The following DISP1 variants were observed in gnomAD, a reference collection of about 807,000 sequenced individuals.
The protein encoded by DISP1 is protein dispatched homolog 1.
Under a neutral mutation model 37.3 loss-of-function variants are expected in DISP1, and 30 were observed. The ratio of observed to expected loss-of-function variants is 0.80; its 90% CI spans 0.60 to 1.09. DISP1 has a LOEUF of 1.09. Ranked by LOEUF, DISP1 falls within the 50% of genes least tolerant of loss-of-function variation. The pLI is 0.00. For missense variants in DISP1, 1,598 were observed against 1,879.5 expected, an observed-to-expected ratio of 0.85 and a Z score of 2.77; for synonymous variants, 634 against 690.2, an observed-to-expected ratio of 0.92 and a Z score of 1.28.
rs142220719 is a variant in DISP1 at position 223,005,382 on chromosome 1, A to G, written c.3985A>G (p.Ile1329Val). 70 of 1,613,442 alleles carry G rather than the reference A, an allele frequency of 4.3e-5. No homozygotes were observed. In the African/African-American group the frequency reaches 9.2e-4, roughly 21 times the overall value. ...HQAVEGFVHP[I>V]THIHHCPCLQ... ...AGCTGTCGAGGGCTTTGTGCACCCC[A>G]TCACGCACATCCACCACTGTCCCTG... is the stretch of plus-strand genomic sequence containing the variant. The change falls in exon 9 of 9, where the codon ATC (isoleucine) becomes GTC (valine). Residue 1329 changes from isoleucine to valine, a missense_variant. Physicochemically the swap from Ile to Val is conservative, Grantham distance 29. Transcript: ENST00000675850.
At chr1:222,871,762 A>G (rs1669596098) in intron 1 of DISP1, among the ~76,000 whole-genome samples, 2 of 152,118 alleles carry the variant, frequency 1.3e-5, no homozygotes, top group African/African-American at 4.8e-5. Flanking sequence ...CTCTTTTCCT[A>G]ATTGAATGCC....
chr1:222,824,458 T>G (rs1475425548), intron 1 of DISP1, among the ~76,000 whole-genome samples: 1 of 152,232 alleles, frequency 6.6e-6, no homozygotes, highest in Non-Finnish European at 1.5e-5. Flanking sequence ...TTCTTCTACA[T>G]TTCAAAAGCA....
chr1:222,897,544 TA>T (rs1439441460), intron 1 of DISP1, among the ~76,000 whole-genome samples: 1 of 152,178 alleles, frequency 6.6e-6, no homozygotes, highest in Admixed American at 6.5e-5. Flanking sequence ...TGTTAGCATA[TA>T]GTTTTGTATA....
At chr1:222,955,157 G>A (rs1403017053) in intron 3 of DISP1, among the ~76,000 whole-genome samples, 2 of 151,222 alleles carry the variant, frequency 1.3e-5, no homozygotes, top group African/African-American at 4.9e-5. Flanking sequence ...CACAATCTTG[G>A]CTCACTGCAA....
At chr1:222,937,091 T>TTTA (rs1452219197) in intron 2 of DISP1, among the ~76,000 whole-genome samples, 8 of 132,134 alleles carry the variant, frequency 6.1e-5, no homozygotes, top group Non-Finnish European at 1.1e-4. Context: ...ATATTACAGT[T>TTTA]TATATATATA....
chr1:222,908,778 TA>T (rs1423488529), intron 1 of DISP1, among the ~76,000 whole-genome samples: 1 of 151,996 alleles, frequency 6.6e-6, no homozygotes, highest in African/African-American at 2.4e-5. Flanking sequence ...CAGTGTAAAA[TA>T]AGCAGAAGCC....
rs1227261823 is a variant in DISP1 at position 223,004,795 on chromosome 1, G to T, written c.3398G>T (p.Cys1133Phe). 2 of 1,612,524 alleles carry T rather than the reference G, an allele frequency of 1.2e-6. No homozygotes were observed. Among genetic ancestry groups the T allele is most frequent in the Non-Finnish European group, 1.7e-6 (2 of 1,180,036 alleles). The change falls in exon 9 of 9, where the codon TGC (cysteine) becomes TTC (phenylalanine). Residue 1133 changes from cysteine (C) to phenylalanine (F), a missense_variant. By Grantham distance (205) the Cys-to-Phe change is radical. Transcript: ENST00000675850. The surrounding 1 kb of genome is among the most constrained non-coding windows in gnomAD (Gnocchi z 4.9). ...TTCTTTTTCCAGTGCATGTGCCGGT[G>T]CCTTGGACCACAGGGTACCTGTGGT... ...ATFFFQCMCR[C>F]LGPQGTCGQI...
At chr1:222,949,749 C>G (rs1209468177) in intron 3 of DISP1, among the ~76,000 whole-genome samples, 1 of 152,180 alleles carries the variant, frequency 6.6e-6, no homozygotes, top group African/African-American at 2.4e-5. Context: ...GCCTCAGCCT[C>G]CTGAGCAGTT....
chr1:222,878,209 T>C (rs1419038395), intron 1 of DISP1, among the ~76,000 whole-genome samples: 1 of 152,220 alleles, frequency 6.6e-6, no homozygotes, highest in Non-Finnish European at 1.5e-5. Flanking sequence ...GGTGAACTAG[T>C]GCAGAGCAAT....
At chr1:222,867,172 C>G (rs774090874) in intron 1 of DISP1, among the ~76,000 whole-genome samples, 4 of 152,174 alleles carry the variant, frequency 2.6e-5, no homozygotes, top group African/African-American at 7.2e-5. Flanking sequence ...GAAACTTAAT[C>G]TAGAGACTGA....
chr1:222,975,092 C>T (rs1677216116), intron 3 of DISP1, among the ~76,000 whole-genome samples: 1 of 152,164 alleles, frequency 6.6e-6, no homozygotes, highest in Non-Finnish European at 1.5e-5. Flanking sequence ...ATGGTGCAAT[C>T]TTGCCTCACA....
rs775620043 is a variant in DISP1, at chr1:222,891,996, G to T, written c.-158-36434G>T. 3.3e-5 allele frequency among the ~76,000 whole-genome samples: 5 copies of T among 152,132 alleles called. No homozygotes were observed. The South Asian group carries it at 1.0e-3, about 32-fold the overall frequency. ...ACCAAGAGCAAGAAAATTAATGGGG[G>T]TGGGGAGAGGAGAGGAGAGGAGGGA... On this transcript the variant is annotated intron_variant, in intron 1 of 8. Coordinates refer to ENST00000675850, the MANE Select transcript of DISP1 (RefSeq NM_001377229.1).
At chr1:222,997,187 A>C (rs1482004816) in intron 8 of DISP1, among the ~76,000 whole-genome samples, 3 of 152,128 alleles carry the variant, frequency 2.0e-5, no homozygotes, top group African/African-American at 7.2e-5. Flanking sequence ...GAAATACATG[A>C]AGGGAAAACA....
chr1:222,848,256 T>C (rs969719414), intron 1 of DISP1, among the ~76,000 whole-genome samples: 2 of 152,162 alleles, frequency 1.3e-5, no homozygotes, highest in Non-Finnish European at 2.9e-5. Flanking sequence ...GTAGTATTTA[T>C]CGCCTAGAGT....
chr1:222,849,022 T>C (rs926741133), intron 1 of DISP1, among the ~76,000 whole-genome samples: 1 of 152,212 alleles, frequency 6.6e-6, no homozygotes, highest in Admixed American at 6.5e-5. Flanking sequence ...TTGTATTTTC[T>C]GCTTTTAATA....
intron 1 of DISP1, among the ~76,000 whole-genome samples, chr1:222,894,801 G>A (rs370636666): frequency 3.9e-5 from 6 of 152,252 alleles, no homozygotes; most frequent in South Asian, 2.1e-4. Context: ...TACAGCCGGC[G>A]ACGCTGCAGC....
chr1:222,844,557 T>A (rs1667791264), intron 1 of DISP1, among the ~76,000 whole-genome samples: 1 of 152,140 alleles, frequency 6.6e-6, no homozygotes, highest in Admixed American at 6.5e-5. Context: ...TCATTAGTGT[T>A]GTAACTGAAA....
chr1:222,934,783 T>C (rs1673614321), intron 2 of DISP1, among the ~76,000 whole-genome samples: 2 of 152,178 alleles, frequency 1.3e-5, no homozygotes, highest in South Asian at 4.1e-4. Flanking sequence ...TTCAGTCCAT[T>C]TATATGAGTT....
At chr1:222,984,482 AACATAGGTTTATATGT>A (rs1678121618) in intron 4 of DISP1, among the ~76,000 whole-genome samples, 1 of 146,674 alleles carries the variant, frequency 6.8e-6, no homozygotes, top group Non-Finnish European at 1.5e-5. Flanking sequence ...TGTTATATAT[AACATAGGTTTATATGT>A]TATATATAAC....
Sources: gnomAD v4.1 joint callset for allele counts (sites outside exome capture counted in the v4.1 genomes callset) on GRCh38, gnomAD v4.1.1 for gene constraint, Gnocchi (gnomAD v3.1) non-coding constraint, MANE v1.5 for transcripts, NCBI Gene and HGNC (gene_info 2026-07-23, HGNC 2026-07-21) for gene names.